The following CCSER1 variants were observed in gnomAD, a reference collection of about 807,000 sequenced individuals.
CCSER1 encodes coiled-coil serine rich protein 1.
A neutral mutation model predicts 82.0 loss-of-function variants in CCSER1; 41 were observed. The observed-to-expected ratio is 0.50, with a 90% CI of 0.39 to 0.65. The LOEUF is 0.65. CCSER1 is among the 30% of genes least tolerant of loss of function. The probability of loss-of-function intolerance (pLI) is 0.00; values close to 1 mark genes in which losing one functional copy is unlikely to be tolerated. For synonymous variants in CCSER1, 414 were observed against 383.9 expected (o/e 1.08, Z -0.92); for missense variants, 1,119 against 1,064.2 (o/e 1.05, Z -0.72).
intron 8 of CCSER1, among the ~76,000 whole-genome samples, chr4:90,908,478 A>T (rs1725830025): frequency 6.6e-6 from 1 of 152,206 alleles, no homozygotes; most frequent in South Asian, 2.1e-4. Context: ...TTTTTATTAT[A>T]TAAACCAGAA....
intron 10 of CCSER1, among the ~76,000 whole-genome samples, chr4:91,248,783 TATTA>T (rs374625932): frequency 7.1e-6 from 1 of 140,836 alleles, no homozygotes; most frequent in Admixed American, 7.0e-5. Context: ...AATGTATCAA[TATTA>T]ATTATTATTA....
intron 3 of CCSER1, among the ~76,000 whole-genome samples, chr4:90,373,766 T>G (rs930388979): frequency 2.6e-5 from 4 of 152,196 alleles, no homozygotes; most frequent in African/African-American, 9.7e-5. Context: ...GACCGTCTTT[T>G]CAAGGATATT....
At chr4:91,304,685 A>G (rs1744914675) in intron 10 of CCSER1, among the ~76,000 whole-genome samples, 2 of 152,050 alleles carry the variant, frequency 1.3e-5, no homozygotes, top group Admixed American at 6.6e-5. Context: ...AGTAGCATAT[A>G]TTGTTTCAGA....
chr4:91,564,037 C>T (rs985644424), intron 10 of CCSER1, among the ~76,000 whole-genome samples: 2 of 151,772 alleles, frequency 1.3e-5, no homozygotes, highest in Non-Finnish European at 2.9e-5. Flanking sequence ...TTTCCCTACT[C>T]CCAGCCTCCC....
At chr4:90,874,242 T>C (rs1766914943) in intron 8 of CCSER1, among the ~76,000 whole-genome samples, 1 of 152,182 alleles carries the variant, frequency 6.6e-6, no homozygotes, top group Non-Finnish European at 1.5e-5. Flanking sequence ...AAATATTTTC[T>C]TATGGTATGA....
chr4:91,110,730 A>C (rs762479964), intron 10 of CCSER1, among the ~76,000 whole-genome samples: 24 of 152,010 alleles, frequency 1.6e-4, no homozygotes, highest in Admixed American at 2.0e-4. Context: ...ATATGTAGTA[A>C]GTACCCAATA....
chr4:91,604,170 C>A lies in CCSER1; in HGVS notation c.*5113C>A, dbSNP rs1208467509. 2 of 152,070 alleles carry A rather than the reference C, an allele frequency of 1.3e-5. No individual in the cohort carries two copies. Among genetic ancestry groups the A allele is most frequent in the African/African-American group, 4.8e-5 (2 of 41,442 alleles). The allele number at this position is 152,070 out of a possible 1,614,324, so 9.4% of individuals were successfully genotyped here. ...TAACTTGTCCAGGACACACAACATG[C>A]ATTTTTAATTAAATTGGATTTAATA... On this transcript the variant is annotated 3_prime_UTR_variant, in exon 11 of 11. Coordinates refer to ENST00000509176, the MANE Select transcript of CCSER1 (RefSeq NM_001145065.2).
At chr4:91,112,864 T>G (rs1350700275) in intron 10 of CCSER1, 5 of 152,332 alleles carry the variant, frequency 3.3e-5, no homozygotes, top group Non-Finnish European at 7.3e-5. Flanking sequence ...CACACAAAGA[T>G]AAGGGCTAAA....
At chr4:91,058,342 G>T (rs1055164275) in intron 9 of CCSER1, among the ~76,000 whole-genome samples, 26 of 152,000 alleles carry the variant, frequency 1.7e-4, no homozygotes, top group African/African-American at 6.3e-4. Flanking sequence ...TCTTTACAAG[G>T]ACATGGGTAG....
chr4:91,579,121 T>A (rs77269194), intron 10 of CCSER1, among the ~76,000 whole-genome samples: 8,574 of 150,910 alleles, frequency 0.057, 248 homozygotes, highest in Middle Eastern at 0.079. Context: ...TATTATTATA[T>A]TATTATTATT....
intron 10 of CCSER1, among the ~76,000 whole-genome samples, chr4:91,380,198 T>C (rs1750772328): frequency 6.6e-6 from 1 of 152,208 alleles, no homozygotes; most frequent in Non-Finnish European, 1.5e-5. Flanking sequence ...AAGTGCGATG[T>C]GGTGCTGAGA....
intron 9 of CCSER1, among the ~76,000 whole-genome samples, chr4:90,970,041 A>G (rs1475482344): frequency 6.6e-6 from 1 of 151,908 alleles, no homozygotes; most frequent in African/African-American, 2.4e-5. Flanking sequence ...AGAAGAAAGA[A>G]ACAAAGAAAC....
chr4:90,517,726 A>G (rs1488562119), intron 5 of CCSER1, among the ~76,000 whole-genome samples: 4 of 152,158 alleles, frequency 2.6e-5, no homozygotes, highest in East Asian at 3.9e-4. Flanking sequence ...AAACTTACAC[A>G]TTCAGAGAAG....
chr4:90,907,088 A>G (rs77348475), intron 8 of CCSER1, among the ~76,000 whole-genome samples: 6,386 of 152,214 alleles, frequency 0.042, 352 homozygotes, highest in African/African-American at 0.13. Context: ...AACTGAAGTG[A>G]CCTACTGGAG....
intron 1 of CCSER1, among the ~76,000 whole-genome samples, chr4:90,163,893 G>A (rs1729949785): frequency 6.6e-6 from 1 of 152,098 alleles, no homozygotes; most frequent in African/African-American, 2.4e-5. Flanking sequence ...TACCTTCTTT[G>A]TTGGCTTTGG....
intron 8 of CCSER1, among the ~76,000 whole-genome samples, chr4:90,842,299 A>G (rs1257183982): frequency 1.3e-5 from 2 of 152,228 alleles, no homozygotes; most frequent in Non-Finnish European, 2.9e-5. Context: ...AACAAGTTAG[A>G]CAGAAAGTGG....
intron 6 of CCSER1, among the ~76,000 whole-genome samples, chr4:90,644,927 C>G (rs953917908): frequency 6.6e-6 from 1 of 151,238 alleles, no homozygotes; most frequent in African/African-American, 2.4e-5. Context: ...ACCGAGAGTA[C>G]AAAAATTAGC....
intron 10 of CCSER1, among the ~76,000 whole-genome samples, chr4:91,269,990 A>G (rs1056671855): frequency 2.0e-5 from 3 of 152,190 alleles, no homozygotes; most frequent in East Asian, 1.9e-4. Flanking sequence ...CCTGAATTGA[A>G]AAGAAGCTAT....
At chr4:90,390,091 A>G (rs1189082981) in intron 3 of CCSER1, among the ~76,000 whole-genome samples, 1 of 152,212 alleles carries the variant, frequency 6.6e-6, no homozygotes, top group Non-Finnish European at 1.5e-5. Context: ...GTGCAATGAA[A>G]GAAATTCAAA....
Sources: gnomAD v4.1 joint callset for allele counts (sites outside exome capture counted in the v4.1 genomes callset) on GRCh38, gnomAD v4.1.1 for gene constraint, MANE v1.5 for transcripts, NCBI Gene and HGNC (gene_info 2026-07-23, HGNC 2026-07-21) for gene names.